AP3B1: variants seen among roughly 807,000 people sequenced by gnomAD.
AP3B1 encodes the protein AP-3 complex subunit beta-1.
AP3B1 carries 61 observed loss-of-function variants against 132.5 expected under a neutral mutation model. The ratio of observed to expected loss-of-function variants is 0.46; its 90% confidence interval spans 0.37 to 0.57. The LOEUF (loss-of-function observed/expected upper bound fraction) is 0.57, where lower values mean the gene tolerates loss of function less well. AP3B1 is among the 20% of genes least tolerant of loss of function. AP3B1 has a pLI of 0.00. For missense variants in AP3B1, 1,120 were observed against 1,289.4 expected (o/e 0.87, Z 2.01); for synonymous variants, 388 against 438.3 (o/e 0.89, Z 1.43).
chr5:78,248,492 CAAAAAAAA>C (rs34983157), intron 2 of AP3B1, among the ~76,000 whole-genome samples: 50 of 71,372 alleles, frequency 7.0e-4, no homozygotes, highest in African/African-American at 2.1e-3. Flanking sequence ...GACTCTGTCT[CAAAAAAAA>C]AAAAAAAAAA....
At chr5:78,177,273 A>T in intron 9 of AP3B1, 66 bp downstream of exon 9, 1 of 1,066,266 alleles carries the variant, frequency 9.4e-7, no homozygotes, top group Non-Finnish European at 1.4e-6. Flanking sequence ...CTGAAAGATT[A>T]CATTTGTTCA....
intron 7 of AP3B1, among the ~76,000 whole-genome samples, chr5:78,206,151 A>C (rs920430694): frequency 6.6e-6 from 1 of 152,166 alleles, no homozygotes. Context: ...AATAAATGAG[A>C]ATGAGAAAAG....
At chr5:78,065,650 C>A (rs560874818) in intron 22 of AP3B1, among the ~76,000 whole-genome samples, 2 of 152,110 alleles carry the variant, frequency 1.3e-5, no homozygotes, top group Non-Finnish European at 2.9e-5. Context: ...GGTTTAGGGA[C>A]AGAACTCTGA....
intron 19 of AP3B1, among the ~76,000 whole-genome samples, chr5:78,111,653 G>A (rs1751596340): frequency 1.3e-5 from 2 of 152,086 alleles, no homozygotes; most frequent in Non-Finnish European, 2.9e-5. Flanking sequence ...CATGTGAGAT[G>A]ACCAAACACC....
intron 2 of AP3B1, among the ~76,000 whole-genome samples, chr5:78,246,481 G>A (rs533828027): frequency 3.1e-4 from 47 of 152,132 alleles, no homozygotes; most frequent in African/African-American, 1.1e-3. Flanking sequence ...AGAACTGAAC[G>A]TTCCCTGTAG....
intron 26 of AP3B1, among the ~76,000 whole-genome samples, chr5:78,011,755 T>C (rs1015987203): frequency 3.3e-5 from 5 of 152,186 alleles, no homozygotes; most frequent in African/African-American, 1.2e-4. Context: ...ACACTAAGTA[T>C]TTCTTTACCT....
At chr5:78,241,381 C>A (rs150164890) in intron 2 of AP3B1, among the ~76,000 whole-genome samples, 1 of 152,078 alleles carries the variant, frequency 6.6e-6, no homozygotes, top group East Asian at 1.9e-4. Flanking sequence ...TTTGTAGAGA[C>A]AGGGTACCAC....
intron 26 of AP3B1, among the ~76,000 whole-genome samples, chr5:78,009,091 T>A (rs1746508587): frequency 6.6e-6 from 1 of 152,152 alleles, no homozygotes. Flanking sequence ...GTACCAGTAT[T>A]TCCCCTATTA....
At chr5:78,060,841 G>T (rs1361947279) in intron 22 of AP3B1, among the ~76,000 whole-genome samples, 1 of 151,988 alleles carries the variant, frequency 6.6e-6, no homozygotes, top group Non-Finnish European at 1.5e-5. Flanking sequence ...AAGAGAATTT[G>T]CTCTATCCAT....
At chr5:78,248,942 T>C (rs989908562) in intron 2 of AP3B1, among the ~76,000 whole-genome samples, 1 of 152,222 alleles carries the variant, frequency 6.6e-6, no homozygotes, top group South Asian at 2.1e-4. Context: ...CTATGTACCA[T>C]TTTTTCCCGC....
intron 2 of AP3B1, among the ~76,000 whole-genome samples, chr5:78,253,557 A>T (rs1436674188): frequency 6.6e-6 from 1 of 152,222 alleles, no homozygotes; most frequent in African/African-American, 2.4e-5. Flanking sequence ...AAACTAAATA[A>T]GGCACCAAGC....
chr5:78,030,789 AC>A (rs1468882166), intron 24 of AP3B1, among the ~76,000 whole-genome samples: 1 of 152,048 alleles, frequency 6.6e-6, no homozygotes, highest in Non-Finnish European at 1.5e-5. Flanking sequence ...TGATCCTCCC[AC>A]TTCAGTCTCC....
intron 11 of AP3B1, among the ~76,000 whole-genome samples, chr5:78,169,838 T>C (rs1412095135): frequency 6.6e-6 from 1 of 152,096 alleles, no homozygotes; most frequent in Non-Finnish European, 1.5e-5. Context: ...ACATGTGCCA[T>C]GTTGGTTTGC....
Position 78,216,161 on chromosome 5 carries a change from CG to C in AP3B1, c.679del (p.Arg227AlafsTer7), listed in dbSNP as rs1745954466. 6.2e-7 allele frequency: 1 copy of C among 1,613,796 alleles called. No individual in the cohort carries two copies. The highest frequency in any genetic ancestry group is 8.5e-7 in the Non-Finnish European group (1 of 1,179,898). On this transcript the variant is annotated frameshift_variant, in exon 7 of 27. Coordinates refer to ENST00000255194, the MANE Select transcript of AP3B1 (RefSeq NM_003664.5). LOFTEE classifies it high-confidence loss of function. Reference protein sequence around the residue: ...DRIDLIHKNYRKLCNLLVDVE... With the variant: ...DRIDLIHKNYXKLCNLLVDVE... ...ATCCACTAGTAAGTTACATAGCTTG[CG>C]GTAATTTTTATGAATCAGATCTATT... is the stretch of plus-strand genomic sequence containing the variant.
chr5:78,006,667 A>G (rs1416139083), intron 26 of AP3B1, among the ~76,000 whole-genome samples: 1 of 152,200 alleles, frequency 6.6e-6, no homozygotes, highest in Non-Finnish European at 1.5e-5. Context: ...AAATGAGAAC[A>G]AATAAGTGCG....
At chr5:78,108,338 T>C (rs1175084469) in intron 20 of AP3B1, among the ~76,000 whole-genome samples, 1 of 152,224 alleles carries the variant, frequency 6.6e-6, no homozygotes, top group Non-Finnish European at 1.5e-5. Context: ...ACAATTATAG[T>C]CACCTATTAT....
chr5:78,288,541 G>T (rs561043357), intron 1 of AP3B1, among the ~76,000 whole-genome samples: 3 of 152,282 alleles, frequency 2.0e-5, no homozygotes, highest in African/African-American at 7.2e-5. Flanking sequence ...ATTAGCTTCA[G>T]GGTGATGCTG....
intron 22 of AP3B1, among the ~76,000 whole-genome samples, chr5:78,059,667 C>T (rs1748959276): frequency 6.6e-6 from 1 of 152,068 alleles, no homozygotes; most frequent in African/African-American, 2.4e-5. Context: ...AAAAAAACTC[C>T]CCTCCCCTAA....
intron 22 of AP3B1, chr5:78,087,795 A>G (rs78412604): frequency 0.012 from 7,265 of 629,088 alleles, 57 homozygotes; most frequent in Middle Eastern, 0.018. Flanking sequence ...TATTATTAAT[A>G]AAGTAGAAGA....
Sources: allele counts gnomAD v4.1 joint callset (sites outside exome capture counted in the v4.1 genomes callset), GRCh38; gene constraint gnomAD v4.1.1; transcripts MANE v1.5; gene names NCBI Gene and HGNC (gene_info 2026-07-23, HGNC 2026-07-21).